Variants in WDFY1 observed in about 807,000 individuals in gnomAD.
WDFY1 encodes the protein WD repeat and FYVE domain containing 1.
A neutral mutation model predicts 56.4 loss-of-function variants in WDFY1; 32 were observed. The observed-to-expected ratio is 0.57, with a 90% CI of 0.43 to 0.76. The LOEUF (loss-of-function observed/expected upper bound fraction) is 0.76, where lower values mean the gene tolerates loss of function less well. Among genes scored for constraint, WDFY1 ranks in the 30% least tolerant of loss-of-function variants. WDFY1 has a pLI of 0.00. For synonymous variants in WDFY1, 192 were observed against 197.3 expected, an observed-to-expected ratio of 0.97 and a Z score of 0.23; for missense variants, 480 against 545.7, an observed-to-expected ratio of 0.88 and a Z score of 1.20.
intron 1 of WDFY1, among the ~76,000 whole-genome samples, chr2:223,930,688 G>A (rs1340674084): frequency 3.3e-5 from 5 of 152,330 alleles, no homozygotes; most frequent in African/African-American, 1.2e-4. Context: ...TGGGGTGCTA[G>A]TACTGGGTCC....
intron 3 of WDFY1, among the ~76,000 whole-genome samples, chr2:223,910,766 C>G (rs922949009): frequency 3.3e-5 from 5 of 151,924 alleles, no homozygotes; most frequent in Non-Finnish European, 5.9e-5. Flanking sequence ...CAGAAAATAA[C>G]AAGTGTTAGC....
intron 2 of WDFY1, among the ~76,000 whole-genome samples, chr2:223,915,141 T>C (rs895748935): frequency 3.9e-5 from 6 of 152,272 alleles, no homozygotes; most frequent in African/African-American, 1.4e-4. Context: ...CTCTGTTTTC[T>C]TCTTGTGGTG....
Position 223,884,737 on chromosome 2 carries a change from A to G in WDFY1, c.844T>C (p.Leu282=). 1.2e-6 allele frequency: 2 copies of G among 1,614,066 alleles called. No individual in the cohort carries two copies. The highest frequency in any genetic ancestry group is 1.7e-5 in the Admixed American group (1 of 60,024). ...CATTTCTGACAAGAATCACTTTCCA[A>G]CCACTGAGGAGCCTGGGGGAGCAGA... is the stretch of plus-strand genomic sequence containing the variant. The part of the protein sequence containing the change: ...DVSREEAPQW[L]ESDSCQKCEQ... The change falls in exon 9 of 12, where the codon TTG becomes CTG. Residue 282 remains leucine (L), a synonymous_variant. Transcript: ENST00000233055.
chr2:223,944,770 G>A (rs938570036), intron 1 of WDFY1, among the ~76,000 whole-genome samples: 1 of 150,934 alleles, frequency 6.6e-6, no homozygotes, highest in Non-Finnish European at 1.5e-5. Flanking sequence ...CAGGAGGGGC[G>A]AGGTGGGCTG....
At chr2:223,941,853 CCACCATGGCTAA>C in intron 1 of WDFY1, among the ~76,000 whole-genome samples, 2 of 152,126 alleles carry the variant, frequency 1.3e-5, no homozygotes, top group Non-Finnish European at 2.9e-5. Flanking sequence ...TGAAAACAAA[CCACCATGGCTAA>C]CACCAAGAAA....
intron 1 of WDFY1, among the ~76,000 whole-genome samples, chr2:223,938,947 C>G (rs151305250): frequency 6.6e-6 from 1 of 150,944 alleles, no homozygotes; most frequent in East Asian, 1.9e-4. Flanking sequence ...CTCCGCCTAC[C>G]GGGCTCAAGT....
intron 1 of WDFY1, among the ~76,000 whole-genome samples, chr2:223,926,082 CAGA>C (rs2106097104): frequency 1.3e-5 from 2 of 152,272 alleles, no homozygotes; most frequent in African/African-American, 4.8e-5. Flanking sequence ...GAATCCTTTC[CAGA>C]AGGTTTTCAA....
At chr2:223,936,177 T>C (rs1310713563) in intron 1 of WDFY1, among the ~76,000 whole-genome samples, 1 of 149,350 alleles carries the variant, frequency 6.7e-6, no homozygotes, top group Admixed American at 6.8e-5. Flanking sequence ...TTCTCGTGCC[T>C]CAGCCCAGCT....
chr2:223,931,404 T>G (rs1267258973), intron 1 of WDFY1, among the ~76,000 whole-genome samples: 2 of 152,192 alleles, frequency 1.3e-5, no homozygotes, highest in African/African-American at 2.4e-5. Context: ...GAATAAAGTG[T>G]TTATTCCAGG....
intron 6 of WDFY1, 43 bp from the exon 7 acceptor site, chr2:223,895,673 A>AAGTAAAAT: frequency 1.2e-6 from 2 of 1,607,696 alleles, no homozygotes; most frequent in Non-Finnish European, 1.7e-6. Flanking sequence ...GGCAGGGGAG[A>AAGTAAAAT]AGTAAAATAT....
intron 6 of WDFY1, among the ~76,000 whole-genome samples, chr2:223,896,790 G>A (rs912577331): frequency 2.0e-5 from 3 of 152,198 alleles, no homozygotes; most frequent in Non-Finnish European, 4.4e-5. Context: ...AAAGGCTTCA[G>A]GGGTTACTTT....
intron 8 of WDFY1, 129 bp downstream of exon 8, chr2:223,894,105 T>C (rs1693321595): frequency 6.3e-6 from 5 of 799,674 alleles, no homozygotes; most frequent in Non-Finnish European, 1.0e-5. Context: ...AATAACCCAT[T>C]AGCAGAAGGG....
At chr2:223,938,199 G>C (rs1185625089) in intron 1 of WDFY1, among the ~76,000 whole-genome samples, 1 of 152,132 alleles carries the variant, frequency 6.6e-6, no homozygotes, top group Non-Finnish European at 1.5e-5. Flanking sequence ...AACCAATCTT[G>C]GCCTACGAGC....
rs1158334024 is a variant in WDFY1, at chr2:223,932,049, GTAATTCCATAAGGGTA to G, written c.137+13083_137+13098del. On this transcript the variant is annotated intron_variant, in intron 1 of 11. Coordinates refer to ENST00000233055, the MANE Select transcript of WDFY1 (RefSeq NM_020830.5). ...GGGCACTGGAAATATTTTTAAACCT[GTAATTCCATAAGGGTA>G]TACATTTGGGTTCAATACATATTTT... Among the ~76,000 whole-genome samples the G allele has an allele frequency of 6.1e-5, 9 of 146,816 alleles. No individual in the cohort carries two copies. In the South Asian group the frequency reaches 6.6e-4, roughly 11 times the overall value.
chr2:223,921,231 C>G (rs1693880206), intron 1 of WDFY1, among the ~76,000 whole-genome samples: 1 of 152,162 alleles, frequency 6.6e-6, no homozygotes, highest in Non-Finnish European at 1.5e-5. Flanking sequence ...TTTATCCAAA[C>G]AAATAAGATG....
At chr2:223,897,418 A>G (rs1380398627) in intron 6 of WDFY1, among the ~76,000 whole-genome samples, 1 of 128,338 alleles carries the variant, frequency 7.8e-6, no homozygotes, top group East Asian at 2.4e-4. Context: ...TCTCTCTGTC[A>G]CCCAGGTTGG....
Position 223,903,726 on chromosome 2 carries a change from T to C in WDFY1, c.334+2221A>G, listed in dbSNP as rs373785243. ...AGTACAGTAGTCTGATGATGGTTCA[T>C]TGTAATCTCTAACTCCTGGGCTCAA... On this transcript the variant is annotated intron_variant, in intron 4 of 11. Transcript: ENST00000233055. Among the ~76,000 whole-genome samples the C allele has an allele frequency of 3.3e-4, 50 of 151,410 alleles. No individual in the cohort carries two copies. In the South Asian group the frequency reaches 0.01, roughly 31 times the overall value.
chr2:223,910,226 C>A (rs981340457), intron 3 of WDFY1, among the ~76,000 whole-genome samples: 7 of 152,070 alleles, frequency 4.6e-5, no homozygotes, highest in South Asian at 2.1e-4. Context: ...AAATGTGGAA[C>A]CCCTCCCTGA....
At chr2:223,937,535 C>A (rs1408406847) in intron 1 of WDFY1, among the ~76,000 whole-genome samples, 1 of 152,126 alleles carries the variant, frequency 6.6e-6, no homozygotes, top group Non-Finnish European at 1.5e-5. Context: ...CTCTGTAAAG[C>A]AGGTACAAAA....
Sources: allele counts gnomAD v4.1 joint callset (sites outside exome capture counted in the v4.1 genomes callset), GRCh38; gene constraint gnomAD v4.1.1; transcripts MANE v1.5; gene names NCBI Gene and HGNC (gene_info 2026-07-23, HGNC 2026-07-21).